Variants in C9orf153 observed in about 807,000 individuals in gnomAD.
C9orf153 encodes the protein uncharacterized protein C9orf153.
Under a neutral mutation model 9.0 loss-of-function variants are expected in C9orf153, and 10 were observed. The ratio of observed to expected loss-of-function variants is 1.11; its 90% CI spans 0.69 to 1.89. C9orf153 has a LOEUF of 1.89. C9orf153 is among the 40% of genes most tolerant of loss of function. The probability of loss-of-function intolerance (pLI) is 0.00; values close to 1 mark genes in which losing one functional copy is unlikely to be tolerated. For missense variants in C9orf153, 108 were observed against 111.0 expected (o/e 0.97, Z 0.12); for synonymous variants, 35 against 37.3 (o/e 0.94, Z 0.23).
intron 1 of C9orf153, among the ~76,000 whole-genome samples, chr9:86,234,445 C>T (rs1486693650): frequency 6.6e-6 from 1 of 152,052 alleles, no homozygotes; most frequent in Non-Finnish European, 1.5e-5. Context: ...ACAAAGTTGC[C>T]AAAATAATTC....
chr9:86,249,430 T>C (rs1349455329), intron 1 of C9orf153, among the ~76,000 whole-genome samples: 1 of 152,256 alleles, frequency 6.6e-6, no homozygotes, highest in Non-Finnish European at 1.5e-5. Flanking sequence ...GTCTTTCTTC[T>C]TCATGTATAT....
At chr9:86,230,894 C>T (rs1824455390) in intron 1 of C9orf153, among the ~76,000 whole-genome samples, 1 of 152,216 alleles carries the variant, frequency 6.6e-6, no homozygotes, top group Admixed American at 6.5e-5. Flanking sequence ...TTCTCTCCCA[C>T]ATTTTACTGG....
chr9:86,230,896 T>A (rs1824455536), intron 1 of C9orf153, among the ~76,000 whole-genome samples: 1 of 152,208 alleles, frequency 6.6e-6, no homozygotes, highest in Non-Finnish European at 1.5e-5. Context: ...CTCTCCCACA[T>A]TTTACTGGGC....
At chr9:86,257,708 A>C (rs934167221) in intron 1 of C9orf153, among the ~76,000 whole-genome samples, 1 of 152,216 alleles carries the variant, frequency 6.6e-6, no homozygotes, top group African/African-American at 2.4e-5. Flanking sequence ...ATTGATTGAC[A>C]GGGAATGCAA....
intron 1 of C9orf153, 29 bp from the exon 2 acceptor site, chr9:86,229,658 A>G: frequency 7.6e-7 from 1 of 1,307,620 alleles, no homozygotes; most frequent in South Asian, 1.2e-5. Flanking sequence ...GAAAAGACAA[A>G]AATCAAAGAT....
intron 1 of C9orf153, chr9:86,258,234 C>T (rs1039136524): frequency 3.4e-5 from 5 of 146,144 alleles, no homozygotes; most frequent in African/African-American, 1.0e-4. Context: ...CCCAGCTACT[C>T]GGGAGGCTGA....
rs78481364 is a variant in C9orf153, at chr9:86,244,890, G to A, written c.-27+14660C>T. Among the ~76,000 whole-genome samples, 15 of 152,212 alleles carry A rather than the reference G, an allele frequency of 9.9e-5. No homozygotes were observed. In the East Asian group the frequency reaches 2.3e-3, roughly 23 times the overall value. The stretch of plus-strand genomic sequence containing the variant: ...ATTTCTGCATGTGTTTGAACCTTAC[G>A]TAAACAAAAGCATCCTATAGATATC... On this transcript the variant is annotated intron_variant, in intron 1 of 3. Transcript: ENST00000339137.
chr9:86,225,429 CCTTCCTTCCTTCCT>C, intron 3 of C9orf153, among the ~76,000 whole-genome samples: 1 of 146,886 alleles, frequency 6.8e-6, no homozygotes, highest in Non-Finnish European at 1.5e-5. Flanking sequence ...TTCCTTCCTT[CCTTCCTTCCTTCCT>C]TCCTCTCTTT....
At chr9:86,253,689 C>A (rs886700462) in intron 1 of C9orf153, among the ~76,000 whole-genome samples, 1 of 152,152 alleles carries the variant, frequency 6.6e-6, no homozygotes, top group Non-Finnish European at 1.5e-5. Context: ...TAAAGTCTTG[C>A]GCTCAAGAGA....
At chr9:86,241,906 G>A (rs910165949) in intron 1 of C9orf153, among the ~76,000 whole-genome samples, 2 of 152,184 alleles carry the variant, frequency 1.3e-5, no homozygotes, top group African/African-American at 2.4e-5. Context: ...GATTACAGGC[G>A]TGAGCCACTA....
chr9:86,243,037 G>A (rs998479238), intron 1 of C9orf153, among the ~76,000 whole-genome samples: 3 of 152,148 alleles, frequency 2.0e-5, no homozygotes, highest in Admixed American at 2.0e-4. Context: ...AGGGGCTTTG[G>A]CACTTTACTA....
In C9orf153 at chr9:86,221,699, C is replaced by T. The variant is rs1824207289; in HGVS notation, c.277G>A (p.Glu93Lys). ...ACTTCGCAAGCCCCTTAAAATATCTCCATTCCAGATCCCTTAGATTCATGA... is the reference window on the plus strand; with the variant it reads ...ACTTCGCAAGCCCCTTAAAATATCTTCATTCCAGATCCCTTAGATTCATGA... Reference protein sequence around the residue: ...TIHESKGSGMEIF With the variant: ...TIHESKGSGMKIF The change falls in exon 4 of 4, where the codon GAG becomes AAG. Residue 93 changes from glutamate to lysine, a missense_variant. Coordinates refer to ENST00000339137, the MANE Select transcript of C9orf153 (RefSeq NM_001276366.4). 6.5e-6 allele frequency: 10 copies of T among 1,549,630 alleles called. No homozygotes were observed. Among genetic ancestry groups the T allele is most frequent in the Non-Finnish European group, 8.7e-6 (10 of 1,146,318 alleles).
chr9:86,255,055 G>A (rs1379145697), intron 1 of C9orf153, among the ~76,000 whole-genome samples: 3 of 140,950 alleles, frequency 2.1e-5, no homozygotes, highest in East Asian at 2.2e-4. Context: ...ACAGTGAGAC[G>A]CTGTCTCAGA....
At chr9:86,239,955 G>A (rs1047006508) in intron 1 of C9orf153, among the ~76,000 whole-genome samples, 8 of 152,108 alleles carry the variant, frequency 5.3e-5, no homozygotes, top group Non-Finnish European at 1.2e-4. Context: ...CCCCGATGGT[G>A]GAGCAGTTCA....
intron 1 of C9orf153, among the ~76,000 whole-genome samples, chr9:86,243,435 C>T (rs962761924): frequency 1.3e-5 from 2 of 151,212 alleles, no homozygotes; most frequent in African/African-American, 2.4e-5. Context: ...GCACCTAAAA[C>T]CCCTGAATTT....
intron 1 of C9orf153, among the ~76,000 whole-genome samples, chr9:86,258,945 C>T (rs897393172): frequency 1.3e-5 from 2 of 151,662 alleles, no homozygotes; most frequent in Admixed American, 6.6e-5. Context: ...GTTTACATTA[C>T]GGTCCATTCT....
intron 1 of C9orf153, among the ~76,000 whole-genome samples, chr9:86,241,311 G>C (rs1824738634): frequency 6.6e-6 from 1 of 151,978 alleles, no homozygotes; most frequent in South Asian, 2.1e-4. Flanking sequence ...AGAGAACTGG[G>C]GCTGCATGTT....
At chr9:86,232,223 C>T (rs544005866) in intron 1 of C9orf153, among the ~76,000 whole-genome samples, 5 of 152,320 alleles carry the variant, frequency 3.3e-5, no homozygotes, top group African/African-American at 9.6e-5. Flanking sequence ...GCTAAACTAC[C>T]GTTGGGTGCA....
At chr9:86,237,286 G>A (rs1447342750) in intron 1 of C9orf153, among the ~76,000 whole-genome samples, 1 of 151,988 alleles carries the variant, frequency 6.6e-6, no homozygotes, top group African/African-American at 2.4e-5. Flanking sequence ...CAAGGAACAA[G>A]GGCAAAAAAT....
Sources: allele counts gnomAD v4.1 joint callset (sites outside exome capture counted in the v4.1 genomes callset), GRCh38; gene constraint gnomAD v4.1.1; transcripts MANE v1.5; gene names NCBI Gene and HGNC (gene_info 2026-07-23, HGNC 2026-07-21).